DNAAF4: variants seen among roughly 807,000 people sequenced by gnomAD.
The protein encoded by DNAAF4 is dynein axonemal assembly factor 4.
In DNAAF4, 43 loss-of-function variants were observed where a neutral mutation model predicts 51.8. The ratio of observed to expected loss-of-function variants is 0.83; its 90% confidence interval spans 0.65 to 1.07. The LOEUF is 1.07. Among genes scored for constraint, DNAAF4 ranks in the 50% least tolerant of loss-of-function variants. DNAAF4 has a pLI of 0.00. For missense variants in DNAAF4, 581 were observed against 493.0 expected, an observed-to-expected ratio of 1.18 and a Z score of -1.69; for synonymous variants, 194 against 165.6, an observed-to-expected ratio of 1.17 and a Z score of -1.32.
chr15:55,472,719 A>G (rs969840595), intron 4 of DNAAF4, among the ~76,000 whole-genome samples: 1 of 152,230 alleles, frequency 6.6e-6, no homozygotes, highest in Admixed American at 6.5e-5. Context: ...AAATAAAACT[A>G]ATACGAGAAT....
intron 5 of DNAAF4, among the ~76,000 whole-genome samples, chr15:55,462,799 C>A (rs145141199): frequency 4.1e-4 from 63 of 152,146 alleles, no homozygotes; most frequent in African/African-American, 1.1e-3. Context: ...CATACACACA[C>A]AAAAAATCAA....
intron 1 of DNAAF4, among the ~76,000 whole-genome samples, chr15:55,501,729 A>C (rs1339316816): frequency 6.6e-6 from 1 of 151,840 alleles, no homozygotes; most frequent in Non-Finnish European, 1.5e-5. Context: ...AAAAATTAAA[A>C]ACGAACTAAA....
Position 55,491,139 on chromosome 15 carries a change from A to G in DNAAF4, c.389T>C (p.Leu130Pro). ...AAKREDQKYA[L>P]SVMMKIEEEE... ...GCAACTTACCTTCATCATGACACTT[A>G]GTGCGTATTTTTGATCTTCCCGCTT... is the stretch of plus-strand genomic sequence containing the variant. The change falls in exon 4 of 10, where the codon CTA becomes CCA. Residue 130 changes from leucine to proline, a missense_variant. Coordinates refer to ENST00000321149, the MANE Select transcript of DNAAF4 (RefSeq NM_130810.4). 1 of 1,614,022 alleles carries G rather than the reference A, an allele frequency of 6.2e-7. No individual in the cohort carries two copies. The highest frequency in any genetic ancestry group is 2.2e-5 in the East Asian group (1 of 44,864).
intron 5 of DNAAF4, among the ~76,000 whole-genome samples, chr15:55,462,462 T>A (rs903258359): frequency 6.6e-6 from 1 of 152,056 alleles, no homozygotes; most frequent in African/African-American, 2.4e-5. Flanking sequence ...AAGGCTGGGA[T>A]TACAGGTATG....
At chr15:55,490,495 G>A (rs1242909382) in intron 4 of DNAAF4, among the ~76,000 whole-genome samples, 2 of 152,100 alleles carry the variant, frequency 1.3e-5, no homozygotes, top group Non-Finnish European at 2.9e-5. Context: ...TGACAATAAT[G>A]TTTTAAATAT....
chr15:55,447,679 G>A (rs1027177178), intron 6 of DNAAF4, among the ~76,000 whole-genome samples: 5 of 149,564 alleles, frequency 3.3e-5, no homozygotes, highest in Admixed American at 6.7e-5. Context: ...TCGGCAGGCC[G>A]AGGCAGGAGA....
intron 3 of DNAAF4, 48 bp from the exon 4 acceptor site, chr15:55,491,304 TTACTTA>T: frequency 1.9e-6 from 3 of 1,569,678 alleles, no homozygotes; most frequent in Non-Finnish European, 2.6e-6. Context: ...CAAATTTGCT[TTACTTA>T]TGAGAAAACT....
Position 55,483,833 on chromosome 15 carries a change from CTTTTTTTTTTTTTTTTTT to C in DNAAF4, c.405+7272_405+7289del, listed in dbSNP as rs71105887. 2.0e-3 allele frequency among the ~76,000 whole-genome samples: 168 copies of C among 82,496 alleles called. 1 individual carries two copies. Among genetic ancestry groups the C allele is most frequent in the Middle Eastern group, 7.7e-3 (1 of 130 alleles). 54.1% of individuals were successfully genotyped at this position (82,496 alleles called of 152,430 possible). A position where few individuals can be genotyped will look rare whatever the true frequency, so the allele number is the denominator to read the frequency against. On this transcript the variant is annotated intron_variant, in intron 4 of 9. Coordinates refer to ENST00000321149, the MANE Select transcript of DNAAF4 (RefSeq NM_130810.4). ...GAGCCATCACACCCAGCCAATAAAG[CTTTTTTTTTTTTTTTTTT>C]TTTTTTTTTTTTTTTTTTTTAAGAG...
chr15:55,504,460 C>A, intron 1 of DNAAF4, among the ~76,000 whole-genome samples: 1 of 152,162 alleles, frequency 6.6e-6, no homozygotes, highest in East Asian at 1.9e-4. Context: ...ACCCGCATAG[C>A]CAAGACAATC....
Position 55,497,838 on chromosome 15 carries a change from A to G in DNAAF4, c.145T>C (p.Phe49Leu), listed in dbSNP as rs760044806. ...YLKVNFPPFL[F>L]EAFLYAPIDD... ...ATGGGAGCATAAAGAAATGCCTCAA[A>G]TAAAAATGGAGGAAAGTTGACCTAT... The change falls in exon 3 of 10, where the codon TTT (phenylalanine) becomes CTT (leucine). Residue 49 changes from phenylalanine (F) to leucine (L), a missense_variant. Phe to Leu is a conservative substitution (Grantham distance 22). Coordinates refer to ENST00000321149, the MANE Select transcript of DNAAF4 (RefSeq NM_130810.4). 1.2e-6 allele frequency: 2 copies of G among 1,611,608 alleles called. No homozygotes were observed. Among genetic ancestry groups the G allele is most frequent in the Non-Finnish European group, 1.7e-6 (2 of 1,179,300 alleles).
At position 55,498,383 on chromosome 15, in the gene DNAAF4, G is replaced by A; in HGVS notation, c.-54C>T. ...GCTGGTTGCTTCTTGCGCCTGCTTG[G>A]TTGCTAGGGAAGCTGGGGTTACCAT... On this transcript the variant is annotated 5_prime_UTR_variant, in exon 2 of 10. Coordinates refer to ENST00000321149, the MANE Select transcript of DNAAF4 (RefSeq NM_130810.4). The A allele has an allele frequency of 1.3e-6, 2 of 1,575,946 alleles. No homozygotes were observed. Among genetic ancestry groups the A allele is most frequent in the Non-Finnish European group, 1.7e-6 (2 of 1,157,636 alleles).
chr15:55,488,114 CTTTTTCT>C (rs1243839500), intron 4 of DNAAF4, among the ~76,000 whole-genome samples: 1 of 134,948 alleles, frequency 7.4e-6, no homozygotes, highest in African/African-American at 3.0e-5. Context: ...CAATCTTTTT[CTTTTTCT>C]TTTTTTTTTT....
rs200906631 is a variant in DNAAF4 at position 55,473,382 on chromosome 15, T to TATAC, written c.406-6222_406-6221insGTAT. On this transcript the variant is annotated intron_variant, in intron 4 of 9. Transcript: ENST00000321149. ...ATATGTGTGTGTGTATATATATATATATGCAAACTTAACCTAGAAAAATAT... is the reference window on the plus strand; with the variant it reads ...ATATGTGTGTGTGTATATATATATATATACATGCAAACTTAACCTAGAAAAATAT... Among the ~76,000 whole-genome samples, 156 of 147,766 alleles carry TATAC rather than the reference T, an allele frequency of 1.1e-3. 8 individuals are homozygous for TATAC. The highest frequency in any genetic ancestry group is 3.7e-3 in the African/African-American group (149 of 40,346).
chr15:55,473,243 ATGTG>A (rs1300452062), intron 4 of DNAAF4, among the ~76,000 whole-genome samples: 11 of 120,794 alleles, frequency 9.1e-5, no homozygotes, highest in Admixed American at 6.6e-4. Context: ...ATATATATAT[ATGTG>A]TGTGTATATA....
intron 5 of DNAAF4, among the ~76,000 whole-genome samples, chr15:55,464,364 C>T (rs1473854284): frequency 6.6e-6 from 1 of 152,140 alleles, no homozygotes; most frequent in Admixed American, 6.6e-5. Context: ...GAAGATAACA[C>T]TGGAAAACCC....
At chr15:55,449,085 G>C (rs2057890215) in intron 6 of DNAAF4, among the ~76,000 whole-genome samples, 1 of 150,388 alleles carries the variant, frequency 6.6e-6, no homozygotes, top group Non-Finnish European at 1.5e-5. Context: ...TGACCCCCGG[G>C]TTCAAGTGAT....
chr15:55,427,243 T>C (rs1330391622), downstream of DNAAF4, among the ~76,000 whole-genome samples: 1 of 152,116 alleles, frequency 6.6e-6, no homozygotes, highest in African/African-American at 2.4e-5. Flanking sequence ...TTTTTTTGTT[T>C]TTTTAGTAGA....
chr15:55,438,972 T>C (rs2057663396), intron 7 of DNAAF4, among the ~76,000 whole-genome samples: 1 of 152,138 alleles, frequency 6.6e-6, no homozygotes, highest in Non-Finnish European at 1.5e-5. Flanking sequence ...AATAAAAAAA[T>C]AAAATTAGAG....
chr15:55,501,044 A>G (rs968697174), intron 1 of DNAAF4, among the ~76,000 whole-genome samples: 6 of 149,184 alleles, frequency 4.0e-5, no homozygotes, highest in Non-Finnish European at 8.9e-5. Flanking sequence ...TACCTGTATG[A>G]TATTGGAGTA....
Sources: gnomAD v4.1 joint callset for allele counts (sites outside exome capture counted in the v4.1 genomes callset) on GRCh38, gnomAD v4.1.1 for gene constraint, MANE v1.5 for transcripts, NCBI Gene and HGNC (gene_info 2026-07-23, HGNC 2026-07-21) for gene names.